TMPRSS13: variants seen among roughly 807,000 people sequenced by gnomAD.
The protein encoded by TMPRSS13 is transmembrane serine protease 13.
In TMPRSS13, 50 loss-of-function variants were observed where a neutral mutation model predicts 68.4. That is an observed-to-expected ratio of 0.73 (90% confidence interval 0.58 to 0.93). The LOEUF is 0.93. Among genes scored for constraint, TMPRSS13 ranks in the 40% least tolerant of loss-of-function variants. TMPRSS13 has a pLI of 0.00. For missense variants in TMPRSS13, 615 were observed against 729.2 expected (o/e 0.84, Z 1.80); for synonymous variants, 267 against 285.8 (o/e 0.93, Z 0.66).
At position 117,908,611 on chromosome 11, in the gene TMPRSS13, C is replaced by G. The variant is rs1487520150; in HGVS notation, c.1282+1G>C. On this transcript the variant is annotated splice_donor_variant, in intron 9 of 12. Transcript: ENST00000524993. LOFTEE classifies it high-confidence loss of function. ...AGAGCGGGGAGTGCAGATTCCCTCA[C>G]CGGACAGGGTCAGGGGCTTGGACAG... is the stretch of plus-strand genomic sequence containing the variant. 6.4e-7 allele frequency: 1 copy of G among 1,558,778 alleles called. No homozygotes were observed. Among genetic ancestry groups the G allele is most frequent in the East Asian group, 2.4e-5 (1 of 42,082 alleles).
chr11:117,905,562 A>G (rs570619497), intron 10 of TMPRSS13, 76 bp downstream of exon 10: 23 of 1,278,066 alleles, frequency 1.8e-5, no homozygotes, highest in East Asian at 5.4e-5. Flanking sequence ...ACCCAGACAC[A>G]TTGCTTACAC....
intron 12 of TMPRSS13, 79 bp downstream of exon 12, chr11:117,903,576 A>C (rs2845712): frequency 0.93 from 1,490,958 of 1,605,166 alleles, 694,645 homozygotes; most frequent in Non-Finnish European, 0.95. Context: ...TCTGCCTACA[A>C]CCTGGGTGCT....
At chr11:117,928,189 C>G (rs2057724785) in intron 1 of TMPRSS13, among the ~76,000 whole-genome samples, 1 of 152,224 alleles carries the variant, frequency 6.6e-6, no homozygotes. Context: ...CTTGTGTACC[C>G]CCCTTACTGC....
intron 7 of TMPRSS13, 72 bp downstream of exon 7, chr11:117,910,635 G>T: frequency 6.8e-7 from 1 of 1,464,952 alleles, no homozygotes; most frequent in Non-Finnish European, 9.3e-7. Context: ...CACCTCCCTT[G>T]GAGGAGTGCT....
Position 117,922,322 on chromosome 11 carries a change from C to T in TMPRSS13, c.22-3484G>A, listed in dbSNP as rs1248833909. Reference sequence around the variant, plus strand: ...TGATCTCGGCTCACTGCAACCTCCACCTCCCGGGTTCAAGTGATTCTCCTT... The same window carrying T: ...TGATCTCGGCTCACTGCAACCTCCATCTCCCGGGTTCAAGTGATTCTCCTT... On this transcript the variant is annotated intron_variant, in intron 1 of 12. Coordinates refer to ENST00000524993, the MANE Select transcript of TMPRSS13 (RefSeq NM_001077263.3). This position sits in a 1 kb window ranked among gnomAD's most constrained non-coding sequence, Gnocchi z 4.2. Among the ~76,000 whole-genome samples the T allele has an allele frequency of 6.6e-6, 1 of 152,162 alleles. No homozygotes were observed. The highest frequency in any genetic ancestry group is 1.5e-5 in the Non-Finnish European group (1 of 68,030).
intron 9 of TMPRSS13, among the ~76,000 whole-genome samples, chr11:117,905,968 G>T (rs1449241033): frequency 6.6e-6 from 1 of 152,192 alleles, no homozygotes; most frequent in Non-Finnish European, 1.5e-5. Context: ...CCTCAAAGCC[G>T]TTCTGATTTC....
In TMPRSS13 at chr11:117,902,238, G is replaced by A. The variant is rs759405038; in HGVS notation, c.*1C>T. On this transcript the variant is annotated 3_prime_UTR_variant, in exon 13 of 13. Coordinates refer to ENST00000524993, the MANE Select transcript of TMPRSS13 (RefSeq NM_001077263.3). ...GCTGTGCAGAGCAGCAGGCCAGCTG[G>A]TTAGGATTTTCTGAATCGCACCTCG... The A allele has an allele frequency of 3.1e-6, 5 of 1,613,290 alleles. No homozygotes were observed. The African/African-American group carries it at 6.7e-5, about 22-fold the overall frequency.
At chr11:117,902,998 T>C in intron 12 of TMPRSS13, 1 of 1,026,848 alleles carries the variant, frequency 9.7e-7, no homozygotes, top group African/African-American at 1.7e-5. Flanking sequence ...GAGCAATGAC[T>C]TCTGAGGTTG....
In TMPRSS13 at chr11:117,908,623, A is replaced by T; in HGVS notation, c.1271T>A (p.Leu424Gln). 6.4e-7 allele frequency: 1 copy of T among 1,564,200 alleles called. No individual in the cohort carries two copies. The highest frequency in any genetic ancestry group is 8.7e-7 in the Non-Finnish European group (1 of 1,154,504). Residue 424 changes from leucine to glutamine, a missense_variant, in exon 9 of 13, where the codon CTG (leucine) becomes CAG (glutamine). Coordinates refer to ENST00000524993, the MANE Select transcript of TMPRSS13 (RefSeq NM_001077263.3). ...GCAGATTCCCTCACCGGACAGGGTC[A>T]GGGGCTTGGACAGCCGCATGAGGGC... ...DIALMRLSKPLTLSAHIHPAC... is the reference protein window; with the variant it reads ...DIALMRLSKPQTLSAHIHPAC...
chr11:117,921,582 AG>A (rs1314946412), intron 1 of TMPRSS13, among the ~76,000 whole-genome samples: 4 of 151,316 alleles, frequency 2.6e-5, no homozygotes, highest in African/African-American at 9.9e-5. Flanking sequence ...AAGCTGGAAC[AG>A]GAGAAGGGAG....
intron 5 of TMPRSS13, 49 bp downstream of exon 5, chr11:117,913,728 G>A (rs747320742): frequency 1.4e-5 from 22 of 1,604,602 alleles, no homozygotes; most frequent in Non-Finnish European, 1.9e-5. Context: ...CCTATGAAGA[G>A]CCTGAGACAT....
rs137959737 is a variant in TMPRSS13, at chr11:117,909,853, C to T, written c.1062G>A (p.Thr354=). Residue 354 remains threonine, a synonymous_variant, in exon 8 of 13, where the codon ACG becomes ACA. Coordinates refer to ENST00000524993, the MANE Select transcript of TMPRSS13 (RefSeq NM_001077263.3). Reference sequence around the variant, plus strand: ...TGAGCACCCACTGGGCGTCAATGAGCGTGCCTCCACAGATGTGGGTGGTGC... The same window carrying T: ...TGAGCACCCACTGGGCGTCAATGAGTGTGCCTCCACAGATGTGGGTGGTGC... ...HFGTTHICGG[T]LIDAQWVLTA... The T allele has an allele frequency of 5.0e-6, 8 of 1,613,672 alleles. No homozygotes were observed. Among genetic ancestry groups the T allele is most frequent in the South Asian group, 1.1e-5 (1 of 91,078 alleles).
At chr11:117,908,551 G>A (rs1200866484) in intron 9 of TMPRSS13, 61 bp downstream of exon 9, 8 of 1,527,160 alleles carry the variant, frequency 5.2e-6, no homozygotes, top group East Asian at 4.9e-5. Context: ...TGACAAGTGC[G>A]AGGGCTGCAG....
rs1565349813 is a variant in TMPRSS13, at chr11:117,914,498, GC to G, written c.572del (p.Gly191AlafsTer29). 8 of 1,613,844 alleles carry G rather than the reference GC, an allele frequency of 5.0e-6. No homozygotes were observed. The highest frequency in any genetic ancestry group is 6.8e-6 in the Non-Finnish European group (8 of 1,180,008). On this transcript the variant is annotated frameshift_variant, in exon 4 of 13. Transcript: ENST00000524993. LOFTEE classifies it high-confidence loss of function. The surrounding 1 kb of genome is among the most constrained non-coding windows in gnomAD (Gnocchi z 4.2). The stretch of plus-strand genomic sequence containing the variant: ...GCTCCTTGTACCTGATCCCTGTGTG[GC>G]CCTGCCAGAACTGGACTAGAGAAAA... ...SLIILFQFWQ[G>X]HTGIRYKEQR...
intron 1 of TMPRSS13, among the ~76,000 whole-genome samples, chr11:117,921,249 C>A (rs1196631845): frequency 6.6e-6 from 1 of 152,178 alleles, no homozygotes; most frequent in Admixed American, 6.5e-5. Context: ...GACCTACCTT[C>A]GTCTCTTCAG....
At chr11:117,917,834 G>A (rs2057594129) in intron 2 of TMPRSS13, among the ~76,000 whole-genome samples, 1 of 152,208 alleles carries the variant, frequency 6.6e-6, no homozygotes, top group African/African-American at 2.4e-5. Flanking sequence ...GGGATGGGAG[G>A]AGGGCAGCAT....
At position 117,922,134 on chromosome 11, in the gene TMPRSS13, A is replaced by G. The variant is rs1240679787; in HGVS notation, c.22-3296T>C. Among the ~76,000 whole-genome samples, 1 of 152,218 alleles carries G rather than the reference A, an allele frequency of 6.6e-6. No individual in the cohort carries two copies. The highest frequency in any genetic ancestry group is 2.1e-4 in the South Asian group (1 of 4,832). On this transcript the variant is annotated intron_variant, in intron 1 of 12. Coordinates refer to ENST00000524993, the MANE Select transcript of TMPRSS13 (RefSeq NM_001077263.3). This position sits in a 1 kb window ranked among gnomAD's most constrained non-coding sequence, Gnocchi z 4.2. ...TTCTTTTCCCCAATTCTTGGAGAAC[A>G]ACTGCTGAGACTCTAGCCTCCCACC... is the stretch of plus-strand genomic sequence containing the variant.
chr11:117,917,809 GAC>G (rs1240800226), intron 2 of TMPRSS13, among the ~76,000 whole-genome samples: 1 of 152,152 alleles, frequency 6.6e-6, no homozygotes, highest in Non-Finnish European at 1.5e-5. Flanking sequence ...TGGTGGTGGG[GAC>G]AGTCTGAATT....
chr11:117,916,909 C>A (rs866215840), intron 3 of TMPRSS13, among the ~76,000 whole-genome samples: 1 of 152,150 alleles, frequency 6.6e-6, no homozygotes, highest in African/African-American at 2.4e-5. Context: ...AACTAACTTG[C>A]CCAAGTAAGC....
Sources: gnomAD v4.1 joint callset for allele counts (sites outside exome capture counted in the v4.1 genomes callset) on GRCh38, gnomAD v4.1.1 for gene constraint, Gnocchi (gnomAD v3.1) non-coding constraint, MANE v1.5 for transcripts, NCBI Gene and HGNC (gene_info 2026-07-23, HGNC 2026-07-21) for gene names.